Variants in SORCS3 observed in about 807,000 individuals in gnomAD.
SORCS3 encodes the protein VPS10 domain-containing receptor SorCS3.
Under a neutral mutation model 146.3 loss-of-function variants are expected in SORCS3, and 57 were observed. The ratio of observed to expected loss-of-function variants is 0.39; its 90% confidence interval spans 0.31 to 0.49. The LOEUF (loss-of-function observed/expected upper bound fraction) is 0.49, where lower values mean the gene tolerates loss of function less well. Among genes scored for constraint, SORCS3 ranks in the 20% least tolerant of loss-of-function variants. The pLI is 0.92. For synonymous variants in SORCS3, 653 were observed against 618.5 expected, an observed-to-expected ratio of 1.06 and a Z score of -0.83; for missense variants, 1,341 against 1,575.5, an observed-to-expected ratio of 0.85 and a Z score of 2.52.
intron 4 of SORCS3, among the ~76,000 whole-genome samples, chr10:105,005,057 C>T (rs963971336): frequency 4.6e-5 from 7 of 152,216 alleles, no homozygotes; most frequent in Non-Finnish European, 8.8e-5. Flanking sequence ...TGACCAGTTA[C>T]TCAAACTTTC....
intron 21 of SORCS3, 67 bp from the exon 22 acceptor site, chr10:105,247,152 C>T: frequency 1.2e-6 from 1 of 803,070 alleles, no homozygotes; most frequent in South Asian, 1.9e-5. Context: ...TGGTGGAGCT[C>T]CACACCTGTC....
chr10:104,792,010 T>A (rs1358383793), intron 1 of SORCS3, among the ~76,000 whole-genome samples: 3 of 152,166 alleles, frequency 2.0e-5, no homozygotes, highest in African/African-American at 7.2e-5. Context: ...TACCTCTTTT[T>A]TTTCCCCTAA....
chr10:105,023,870 T>G (rs1030570074), intron 4 of SORCS3, among the ~76,000 whole-genome samples: 1 of 151,998 alleles, frequency 6.6e-6, no homozygotes, highest in South Asian at 2.1e-4. Context: ...TTATGAACTC[T>G]GGATAGGGAT....
At chr10:105,169,681 G>A (rs867635866) in intron 13 of SORCS3, among the ~76,000 whole-genome samples, 2 of 152,122 alleles carry the variant, frequency 1.3e-5, no homozygotes, top group African/African-American at 4.8e-5. Flanking sequence ...AAGTTGGTCT[G>A]GTAGGTAATT....
intron 2 of SORCS3, among the ~76,000 whole-genome samples, chr10:104,909,667 C>T (rs2018945737): frequency 6.6e-6 from 1 of 151,966 alleles, no homozygotes; most frequent in Non-Finnish European, 1.5e-5. Context: ...ATCAGATGGC[C>T]CCGTGAGAGC....
intron 23 of SORCS3, among the ~76,000 whole-genome samples, chr10:105,255,477 A>G (rs1186798756): frequency 6.6e-6 from 1 of 152,172 alleles, no homozygotes; most frequent in Non-Finnish European, 1.5e-5. Flanking sequence ...ACAAAACAGA[A>G]CAAAACAAAA....
At chr10:104,972,359 A>G (rs778905241) in intron 3 of SORCS3, among the ~76,000 whole-genome samples, 20 of 152,172 alleles carry the variant, frequency 1.3e-4, no homozygotes, top group Non-Finnish European at 2.5e-4. Context: ...TTTCATTACA[A>G]TATTTCTGTC....
In SORCS3 at chr10:105,214,619, T is replaced by A; in HGVS notation, c.2547+6T>A. 6.4e-7 allele frequency: 1 copy of A among 1,559,612 alleles called. No homozygotes were observed. Among genetic ancestry groups the A allele is most frequent in the Non-Finnish European group, 8.7e-7 (1 of 1,153,686 alleles). ...TCATCATCCTCATGGAGGAGGTAGG[T>A]GCTCAACTGGGTCTCTGAGGTCAGA... On this transcript the variant is annotated splice_donor_region_variant and intron_variant, in intron 18 of 26. Transcript: ENST00000369701.
chr10:105,044,441 C>G (rs1163890578), intron 5 of SORCS3, among the ~76,000 whole-genome samples: 2 of 152,078 alleles, frequency 1.3e-5, no homozygotes, highest in Non-Finnish European at 2.9e-5. Context: ...TGTACTCATT[C>G]CGTATCTCTT....
At chr10:105,210,690 A>G (rs564615091) in intron 16 of SORCS3, among the ~76,000 whole-genome samples, 1 of 152,312 alleles carries the variant, frequency 6.6e-6, no homozygotes, top group East Asian at 1.9e-4. Flanking sequence ...TTATCTCATC[A>G]GGAAAAGTTT....
chr10:104,725,382 C>T (rs1424294293), intron 1 of SORCS3, among the ~76,000 whole-genome samples: 1 of 152,158 alleles, frequency 6.6e-6, no homozygotes, highest in African/African-American at 2.4e-5. Flanking sequence ...GTCAGTCTGC[C>T]CCTACTGGGG....
rs572136602 is a variant in SORCS3, at chr10:104,898,562, A to C, written c.696-17271A>C. On this transcript the variant is annotated intron_variant, in intron 2 of 26. Coordinates refer to ENST00000369701, the MANE Select transcript of SORCS3 (RefSeq NM_014978.3). ...GGCAGGGACTGATTAGATATTCACTAAACCTGTTTCCTCTTCATCCTGGGC... is the reference window on the plus strand; with the variant it reads ...GGCAGGGACTGATTAGATATTCACTCAACCTGTTTCCTCTTCATCCTGGGC... Among the ~76,000 whole-genome samples the C allele has an allele frequency of 2.6e-5, 4 of 152,326 alleles. No homozygotes were observed. In the East Asian group the frequency reaches 7.7e-4, roughly 29 times the overall value.
chr10:104,929,635 C>T (rs1344074369), intron 3 of SORCS3, among the ~76,000 whole-genome samples: 1 of 152,208 alleles, frequency 6.6e-6, no homozygotes, highest in Non-Finnish European at 1.5e-5. Context: ...CCCATTGTCT[C>T]TGGGCTTCAA....
At chr10:105,237,988 G>A (rs575037090) in intron 20 of SORCS3, among the ~76,000 whole-genome samples, 5 of 152,256 alleles carry the variant, frequency 3.3e-5, no homozygotes, top group East Asian at 3.9e-4. Context: ...ACTTTTGCTC[G>A]TTGATATTAG....
intron 1 of SORCS3, among the ~76,000 whole-genome samples, chr10:104,698,393 T>C (rs532200574): frequency 1.4e-4 from 22 of 152,320 alleles, no homozygotes; most frequent in Non-Finnish European, 2.5e-4. Context: ...TGAGTACACT[T>C]ACATATAGCA....
At chr10:105,204,707 A>G (rs1021238953) in intron 16 of SORCS3, among the ~76,000 whole-genome samples, 1 of 151,992 alleles carries the variant, frequency 6.6e-6, no homozygotes, top group Admixed American at 6.6e-5. Context: ...AAACAAAAAA[A>G]AAACTCACAC....
chr10:104,856,725 A>G (rs992640869), intron 2 of SORCS3, among the ~76,000 whole-genome samples: 4 of 145,276 alleles, frequency 2.8e-5, no homozygotes, highest in Admixed American at 7.0e-5. Flanking sequence ...CTTTATCTCT[A>G]TCTCTCTCTA....
At chr10:104,977,526 C>T in intron 4 of SORCS3, 33 bp downstream of exon 4, 1 of 1,551,882 alleles carries the variant, frequency 6.4e-7, no homozygotes, top group Non-Finnish European at 8.7e-7. Flanking sequence ...TACTTCTTGT[C>T]ATCCAGGTAC....
At chr10:104,666,088 G>A (rs2015772717) in intron 1 of SORCS3, 1 of 152,146 alleles carries the variant, frequency 6.6e-6, no homozygotes, top group African/African-American at 2.4e-5. Context: ...TTTCCAAAAT[G>A]GGGCTGGTAG....
Sources: gnomAD v4.1 joint callset for allele counts (sites outside exome capture counted in the v4.1 genomes callset) on GRCh38, gnomAD v4.1.1 for gene constraint, MANE v1.5 for transcripts, NCBI Gene and HGNC (gene_info 2026-07-23, HGNC 2026-07-21) for gene names.